ZNF638: variants seen among roughly 807,000 people sequenced by gnomAD.
ZNF638 encodes the protein zinc finger protein 638, also known as CTCL tumor antigen se33-1.
A neutral mutation model predicts 195.6 loss-of-function variants in ZNF638; 46 were observed. That is an observed-to-expected ratio of 0.24 (90% CI 0.19 to 0.30). The LOEUF (loss-of-function observed/expected upper bound fraction) is 0.30, where lower values mean the gene tolerates loss of function less well. ZNF638 is among the 10% of genes least tolerant of loss of function. The pLI is 1.00. For missense variants in ZNF638, 2,440 were observed against 2,325.3 expected (o/e 1.05, Z -1.01); for synonymous variants, 845 against 772.0 (o/e 1.09, Z -1.57).
At chr2:71,342,592 T>G (rs1174041732) in intron 1 of ZNF638, among the ~76,000 whole-genome samples, 2 of 152,132 alleles carry the variant, frequency 1.3e-5, no homozygotes, top group Non-Finnish European at 2.9e-5. Context: ...GGGATGATGA[T>G]GGTGGTGAGA....
At chr2:71,410,378 T>TTTGTG (rs1553484357) in intron 20 of ZNF638, among the ~76,000 whole-genome samples, 8 of 151,184 alleles carry the variant, frequency 5.3e-5, no homozygotes, top group Non-Finnish European at 1.0e-4. Flanking sequence ...GATTTTTTTT[T>TTTGTG]TGTGTGTGTG....
intron 6 of ZNF638, among the ~76,000 whole-genome samples, chr2:71,367,584 C>T (rs1573058761): frequency 6.6e-6 from 1 of 151,866 alleles, no homozygotes; most frequent in South Asian, 2.1e-4. Flanking sequence ...GGATTATAGG[C>T]GTGTGCCACC....
At chr2:71,390,247 CG>C (rs2079744775) in intron 10 of ZNF638, among the ~76,000 whole-genome samples, 1 of 152,216 alleles carries the variant, frequency 6.6e-6, no homozygotes, top group Non-Finnish European at 1.5e-5. Context: ...GCAATGCCAG[CG>C]GCTTTCCTCG....
At chr2:71,384,008 T>A (rs148645398) in intron 10 of ZNF638, among the ~76,000 whole-genome samples, 366 of 152,196 alleles carry the variant, frequency 2.4e-3, no homozygotes, top group Non-Finnish European at 4.0e-3. Context: ...TTATATTATT[T>A]AACAGTTACC....
chr2:71,348,103 A>G (rs2078881774), intron 1 of ZNF638, among the ~76,000 whole-genome samples: 1 of 152,330 alleles, frequency 6.6e-6, no homozygotes, highest in South Asian at 2.1e-4. Flanking sequence ...GGGAAGGGTT[A>G]CTGGTTTTGT....
chr2:71,395,280 C>G (rs1004936828), intron 10 of ZNF638: 1 of 717,248 alleles, frequency 1.4e-6, no homozygotes, highest in Non-Finnish European at 2.6e-6. Flanking sequence ...GTAATCGCTA[C>G]GCCTGACAAA....
At chr2:71,393,642 T>C (rs1345765192) in intron 10 of ZNF638, 1 of 717,904 alleles carries the variant, frequency 1.4e-6, no homozygotes. Context: ...CTCTGCTCTC[T>C]GGTGTAAGTT....
At chr2:71,428,859 G>C (rs772565310) in intron 25 of ZNF638, 1 of 400,672 alleles carries the variant, frequency 2.5e-6, no homozygotes, top group South Asian at 6.3e-5. Context: ...TGACAGATTA[G>C]AGGAAATGAT....
Position 71,365,612 on chromosome 2 carries a change from G to A in ZNF638, c.1901G>A (p.Gly634Glu), listed in dbSNP as rs2079183015. The change falls in exon 6 of 28, where the codon GGA becomes GAA. Residue 634 changes from glycine (G) to glutamate (E), a missense_variant. By Grantham distance (98) the Gly-to-Glu change is moderately conservative (BLOSUM62 -2). Coordinates refer to ENST00000264447, the MANE Select transcript of ZNF638 (RefSeq NM_014497.5). The stretch of plus-strand genomic sequence containing the variant: ...ACAAAGAGTGATTCAAATCTAGGAG[G>A]ACATTCTATTCGTTGTAAATCAAAG... The part of the protein sequence containing the change: ...SATKSDSNLG[G>E]HSIRCKSKNL... 2 of 1,614,090 alleles carry A rather than the reference G, an allele frequency of 1.2e-6. No individual in the cohort carries two copies. Among genetic ancestry groups the A allele is most frequent in the East Asian group, 4.5e-5 (2 of 44,880 alleles).
rs767847483 is a variant in ZNF638, at chr2:71,408,238, C to T, written c.3252C>T (p.Asp1084=). The change falls in exon 20 of 28, where the codon GAC becomes GAT. Residue 1084 remains aspartate (D), a synonymous_variant. Coordinates refer to ENST00000264447, the MANE Select transcript of ZNF638 (RefSeq NM_014497.5). ...MLTCSLSPKI[D]LPEVQIEHDP... ...CCTGCTCATTATCTCCAAAGATAGA[C>T]TTACCAGAGGTAAGATTTATCTTTC... The T allele has an allele frequency of 1.2e-6, 2 of 1,609,582 alleles. No homozygotes were observed. Among genetic ancestry groups the T allele is most frequent in the Middle Eastern group, 1.7e-4 (1 of 6,046 alleles).
At chr2:71,334,920 CCAAAAAAAAAAA>C (rs1304802305) in intron 1 of ZNF638, among the ~76,000 whole-genome samples, 5 of 147,758 alleles carry the variant, frequency 3.4e-5, no homozygotes, top group East Asian at 4.0e-4. Flanking sequence ...GACTCCGTCT[CCAAAAAAAAAAA>C]CAAAAAAAAC....
At chr2:71,344,261 G>A (rs913272650) in intron 1 of ZNF638, among the ~76,000 whole-genome samples, 1 of 152,140 alleles carries the variant, frequency 6.6e-6, no homozygotes, top group Admixed American at 6.5e-5. Flanking sequence ...AAGCCTTTAC[G>A]TAGTAGTGTC....
At chr2:71,394,123 G>C (rs2079845282) in intron 10 of ZNF638, among the ~76,000 whole-genome samples, 1 of 152,162 alleles carries the variant, frequency 6.6e-6, no homozygotes, top group African/African-American at 2.4e-5. Context: ...TTAGTCTCCA[G>C]TTAGGCAATT....
intron 3 of ZNF638, among the ~76,000 whole-genome samples, chr2:71,357,966 A>C (rs1306606816): frequency 6.6e-6 from 1 of 152,116 alleles, no homozygotes; most frequent in African/African-American, 2.4e-5. Context: ...GGAGAGAATA[A>C]ATTTCTATTT....
intron 16 of ZNF638, among the ~76,000 whole-genome samples, chr2:71,402,398 T>A (rs183453645): frequency 6.6e-6 from 1 of 152,238 alleles, no homozygotes; most frequent in African/African-American, 2.4e-5. Context: ...TATGTTAATA[T>A]GTTTAATAGT....
intron 1 of ZNF638, among the ~76,000 whole-genome samples, chr2:71,339,028 A>T (rs2078718189): frequency 6.6e-6 from 1 of 152,092 alleles, no homozygotes; most frequent in African/African-American, 2.4e-5. Flanking sequence ...AACCATAAAG[A>T]GGTATATGTA....
intron 20 of ZNF638, among the ~76,000 whole-genome samples, chr2:71,410,351 T>C (rs987935264): frequency 2.6e-5 from 4 of 151,432 alleles, no homozygotes; most frequent in African/African-American, 7.3e-5. Flanking sequence ...CGGCTAACTT[T>C]ATTTTATTTG....
In ZNF638 at chr2:71,369,309, T is replaced by G. The variant is rs1362758384; in HGVS notation, c.2143-574T>G. On this transcript the variant is annotated intron_variant, in intron 7 of 27. Transcript: ENST00000264447. ...CTGCACTCTAGCCTGGGCAACAGAG[T>G]AAGGCTCCGTCTCAAAAAAAAAAAA... Among the ~76,000 whole-genome samples the G allele has an allele frequency of 7.3e-5, 9 of 123,174 alleles. No homozygotes were observed. The Admixed American group carries it at 8.7e-4, about 12-fold the overall frequency. 80.8% of individuals were successfully genotyped at this position (123,174 alleles called of 152,430 possible). A position where few individuals can be genotyped will look rare whatever the true frequency, so the allele number is the denominator to read the frequency against.
At chr2:71,409,886 G>A (rs1005932968) in intron 20 of ZNF638, among the ~76,000 whole-genome samples, 3 of 152,082 alleles carry the variant, frequency 2.0e-5, no homozygotes, top group Non-Finnish European at 4.4e-5. Flanking sequence ...GTCACAGGTG[G>A]TTTTTCTGTT....
Sources: allele counts gnomAD v4.1 joint callset (sites outside exome capture counted in the v4.1 genomes callset), GRCh38; gene constraint gnomAD v4.1.1; transcripts MANE v1.5; gene names NCBI Gene and HGNC (gene_info 2026-07-23, HGNC 2026-07-21).